The following CECR2 variants were observed in gnomAD, a reference collection of about 807,000 sequenced individuals.
The protein encoded by CECR2 is chromatin remodeling regulator CECR2.
Under a neutral mutation model 154.5 loss-of-function variants are expected in CECR2, and 30 were observed. That is an observed-to-expected ratio of 0.19 (90% CI 0.15 to 0.26). The LOEUF (loss-of-function observed/expected upper bound fraction) is 0.26. CECR2 is among the 10% of genes least tolerant of loss of function. The pLI is 1.00. For missense variants in CECR2, 1,743 were observed against 1,829.3 expected (o/e 0.95, Z 0.86); for synonymous variants, 725 against 683.7 (o/e 1.06, Z -0.94).
At chr22:17,541,255 A>C (rs924720641) in intron 14 of CECR2, among the ~76,000 whole-genome samples, 3 of 152,142 alleles carry the variant, frequency 2.0e-5, no homozygotes, top group Non-Finnish European at 4.4e-5. Flanking sequence ...GGAGTTCAAG[A>C]CCAGCCTAGC....
Position 17,477,511 on chromosome 22 carries a change from G to A in CECR2, c.127-77G>A, listed in dbSNP as rs983960792. 35 of 951,248 alleles carry A rather than the reference G, an allele frequency of 3.7e-5. No homozygotes were observed. In the Admixed American group the frequency reaches 6.0e-4, roughly 16 times the overall value. The allele number at this position is 951,248 out of a possible 1,614,324, so 58.9% of individuals were successfully genotyped here. ...TGGGACCATTCAGTTCTTGGGGCTTGTGCTGGCGGTAGGAAGGGGTGTGTA... is the reference window on the plus strand; with the variant it reads ...TGGGACCATTCAGTTCTTGGGGCTTATGCTGGCGGTAGGAAGGGGTGTGTA... On this transcript the variant is annotated intron_variant, in intron 1 of 18. Coordinates refer to ENST00000262608, the MANE Select transcript of CECR2 (RefSeq NM_001290047.2).
chr22:17,488,177 C>A (rs890445075), intron 2 of CECR2, among the ~76,000 whole-genome samples: 1 of 152,160 alleles, frequency 6.6e-6, no homozygotes, highest in African/African-American at 2.4e-5. Context: ...GCCACCGCAC[C>A]CGGCCTCATT....
At chr22:17,502,987 G>A (rs2055766334) in intron 5 of CECR2, 95 bp from the exon 6 acceptor site, 1 of 1,055,826 alleles carries the variant, frequency 9.5e-7, no homozygotes, top group Admixed American at 2.1e-5. Context: ...CACTCTCTTT[G>A]TGTTAAATTA....
chr22:17,516,304 A>G (rs1014242050), intron 8 of CECR2, among the ~76,000 whole-genome samples: 2 of 151,558 alleles, frequency 1.3e-5, no homozygotes, highest in Non-Finnish European at 2.9e-5. Flanking sequence ...TACATTTTAT[A>G]TGTATATATA....
chr22:17,451,008 G>A (rs1041104386), intron 1 of CECR2, among the ~76,000 whole-genome samples: 2 of 152,176 alleles, frequency 1.3e-5, no homozygotes, highest in African/African-American at 4.8e-5. Context: ...AGTAATGAAC[G>A]TGTCAGAGCC....
Position 17,409,816 on chromosome 22 carries a change from C to T in CECR2, c.126+39907C>T. 1.8e-5 allele frequency among the ~76,000 whole-genome samples: 2 copies of T among 110,908 alleles called. 1 individual carries two copies. The highest frequency in any genetic ancestry group is 4.0e-4 in the East Asian group (2 of 4,988). The allele number at this position is 110,908 out of a possible 152,430, so 72.8% of individuals were successfully genotyped here. On this transcript the variant is annotated intron_variant, in intron 1 of 18. Transcript: ENST00000262608. ...TTACAGTACCTAGAATTGTCCTATACATAGTAGATGTACTCAATAAATATT... is the reference window on the plus strand; with the variant it reads ...TTACAGTACCTAGAATTGTCCTATATATAGTAGATGTACTCAATAAATATT...
chr22:17,499,307 AT>A lies in CECR2; in HGVS notation c.406-100del, dbSNP rs1206800463. ...CCCAGCGATACTTGGGCATTTTTAGATTTGAGTTATGCTTACGTGTAAATTT... is the reference window on the plus strand; with the variant it reads ...CCCAGCGATACTTGGGCATTTTTAGATTGAGTTATGCTTACGTGTAAATTT... On this transcript the variant is annotated intron_variant, in intron 3 of 18. Transcript: ENST00000262608. 2.1e-6 allele frequency: 3 copies of A among 1,404,946 alleles called. No individual in the cohort carries two copies. The African/African-American group carries it at 4.3e-5, about 20-fold the overall frequency. 87.0% of individuals were successfully genotyped at this position (1,404,946 alleles called of 1,614,324 possible). A position where few individuals can be genotyped will look rare whatever the true frequency, so the allele number is the denominator to read the frequency against.
intron 2 of CECR2, among the ~76,000 whole-genome samples, chr22:17,482,937 T>C (rs556042743): frequency 2.0e-3 from 297 of 152,232 alleles, no homozygotes; most frequent in African/African-American, 6.8e-3. Context: ...CACCTTGGCC[T>C]CCCAAAGTGC....
chr22:17,362,170 G>A (rs2146419923), intron 1 of CECR2, among the ~76,000 whole-genome samples: 1 of 152,236 alleles, frequency 6.6e-6, no homozygotes, highest in Admixed American at 6.5e-5. Flanking sequence ...AGCCTCCCAA[G>A]TAGCTGGGAT....
At chr22:17,440,950 G>A (rs949063926) in intron 1 of CECR2, among the ~76,000 whole-genome samples, 1 of 151,518 alleles carries the variant, frequency 6.6e-6, no homozygotes, top group Non-Finnish European at 1.5e-5. Context: ...ACTGTTTTTG[G>A]GGGGGAGGGG....
chr22:17,447,597 G>A (rs1444786838), intron 1 of CECR2, among the ~76,000 whole-genome samples: 10 of 149,400 alleles, frequency 6.7e-5, no homozygotes, highest in African/African-American at 2.5e-4. Context: ...AATCACATAG[G>A]AGTAATAAAT....
At chr22:17,397,733 G>A (rs376974910) in intron 1 of CECR2, among the ~76,000 whole-genome samples, 4 of 152,190 alleles carry the variant, frequency 2.6e-5, no homozygotes, top group African/African-American at 7.2e-5. Flanking sequence ...TCCTGACCTC[G>A]TGATCCGCCC....
chr22:17,507,505 T>C (rs1332441860), intron 7 of CECR2, among the ~76,000 whole-genome samples: 3 of 152,224 alleles, frequency 2.0e-5, no homozygotes, highest in African/African-American at 7.2e-5. Flanking sequence ...CACATTAAAT[T>C]ATCTGGAAAT....
At chr22:17,505,169 C>T (rs997725217) in intron 7 of CECR2, among the ~76,000 whole-genome samples, 153 bp downstream of exon 7, 2 of 152,090 alleles carry the variant, frequency 1.3e-5, no homozygotes, top group African/African-American at 2.4e-5. Flanking sequence ...AATGGGACCT[C>T]ATGCCACCCC....
At chr22:17,502,899 G>C (rs2055764593) in intron 5 of CECR2, among the ~76,000 whole-genome samples, 183 bp from the exon 6 acceptor site, 1 of 152,140 alleles carries the variant, frequency 6.6e-6, no homozygotes. Context: ...TTCCCTCCTA[G>C]ACCAGCATGC....
intron 2 of CECR2, among the ~76,000 whole-genome samples, chr22:17,489,285 A>G (rs1255189101): frequency 2.6e-5 from 4 of 152,042 alleles, no homozygotes; most frequent in African/African-American, 4.8e-5. Flanking sequence ...TACTAATCCT[A>G]TTGTGTTGAA....
chr22:17,462,217 A>G (rs2054951088), intron 1 of CECR2, among the ~76,000 whole-genome samples: 2 of 151,586 alleles, frequency 1.3e-5, no homozygotes, highest in South Asian at 2.1e-4. Context: ...ATCCTGGCTA[A>G]TACGGTGAAA....
chr22:17,516,680 C>T (rs535060123), intron 8 of CECR2, among the ~76,000 whole-genome samples: 7 of 152,038 alleles, frequency 4.6e-5, no homozygotes, highest in East Asian at 1.9e-4. Context: ...CTGCAACCTC[C>T]GTGTCCTGGG....
At chr22:17,377,911 G>C (rs1277050671) in intron 1 of CECR2, among the ~76,000 whole-genome samples, 1 of 152,176 alleles carries the variant, frequency 6.6e-6, no homozygotes, top group Non-Finnish European at 1.5e-5. Context: ...CTCAGCCTCA[G>C]CACTATTGAT....
Sources: allele counts gnomAD v4.1 joint callset (sites outside exome capture counted in the v4.1 genomes callset), GRCh38; gene constraint gnomAD v4.1.1; transcripts MANE v1.5; gene names NCBI Gene and HGNC (gene_info 2026-07-23, HGNC 2026-07-21).